The following PRSS23 variants were observed in gnomAD, a reference collection of about 807,000 sequenced individuals.
PRSS23 encodes serine protease 23, also known as protease, serine 23.
A neutral mutation model predicts 34.7 loss-of-function variants in PRSS23; 25 were observed. The observed-to-expected ratio is 0.72, with a 90% CI of 0.53 to 1.01. The LOEUF (loss-of-function observed/expected upper bound fraction) is 1.01, where lower values mean the gene tolerates loss of function less well. PRSS23 is among the 50% of genes least tolerant of loss of function. The pLI is 0.00. For missense variants in PRSS23, 445 were observed against 475.6 expected (o/e 0.94, Z 0.60); for synonymous variants, 176 against 186.6 (o/e 0.94, Z 0.46).
intron 1 of PRSS23, among the ~76,000 whole-genome samples, chr11:86,794,317 T>C (rs1327973566): frequency 6.6e-6 from 1 of 152,186 alleles, no homozygotes; most frequent in East Asian, 1.9e-4. Flanking sequence ...TGCTGGCCAC[T>C]TCAAATTTGG....
At chr11:86,875,377 T>A (rs1939097) in intron 2 of PRSS23, among the ~76,000 whole-genome samples, 80,927 of 151,938 alleles carry the variant, frequency 0.53, 22,774 homozygotes, top group African/African-American at 0.72. Context: ...GTCTCAAAAA[T>A]ATATATATAA....
At chr11:86,867,091 A>G (rs1462206726) in intron 2 of PRSS23, among the ~76,000 whole-genome samples, 1 of 152,224 alleles carries the variant, frequency 6.6e-6, no homozygotes, top group East Asian at 1.9e-4. Context: ...CAGATACAGA[A>G]CCAGGGTATC....
chr11:86,839,975 C>T (rs540318740), intron 2 of PRSS23, among the ~76,000 whole-genome samples: 60 of 151,866 alleles, frequency 4.0e-4, no homozygotes, highest in Non-Finnish European at 6.5e-4. Context: ...AAGGAACAAC[C>T]TGTACCAGCC....
intron 2 of PRSS23, among the ~76,000 whole-genome samples, chr11:86,841,896 A>T (rs551191082): frequency 6.6e-6 from 1 of 152,352 alleles, no homozygotes; most frequent in South Asian, 2.1e-4. Flanking sequence ...TATTCCAATC[A>T]ACAGAAAAAG....
intron 2 of PRSS23, among the ~76,000 whole-genome samples, chr11:86,829,672 G>T (rs549600096): frequency 1.3e-5 from 2 of 152,110 alleles, no homozygotes; most frequent in African/African-American, 4.8e-5. Context: ...TTTTGGTGTG[G>T]ATGTCCTTTC....
chr11:86,946,429 T>C (rs1463868032), intron 2 of PRSS23: 1 of 152,144 alleles, frequency 6.6e-6, no homozygotes, highest in African/African-American at 2.4e-5. Flanking sequence ...ATTCTGGGAA[T>C]TGGCTGATGC....
chr11:86,852,408 A>C (rs903319855), intron 2 of PRSS23, among the ~76,000 whole-genome samples: 4 of 152,212 alleles, frequency 2.6e-5, no homozygotes, highest in African/African-American at 9.6e-5. Context: ...TGCAAGAAGA[A>C]GAGAAAAGTT....
At chr11:86,844,050 G>A (rs1279450301) in intron 2 of PRSS23, among the ~76,000 whole-genome samples, 1 of 152,190 alleles carries the variant, frequency 6.6e-6, no homozygotes, top group East Asian at 1.9e-4. Flanking sequence ...TTAAGAAAAT[G>A]TGGCACACAT....
At chr11:86,811,836 C>T (rs1948180650), downstream of PRSS23, among the ~76,000 whole-genome samples, 1 of 152,264 alleles carries the variant, frequency 6.6e-6, no homozygotes, top group South Asian at 2.1e-4. Context: ...GGAATGATGA[C>T]TCTAGGCTGC....
chr11:86,804,609 C>T (rs928701283), intron 1 of PRSS23, among the ~76,000 whole-genome samples: 4 of 152,152 alleles, frequency 2.6e-5, no homozygotes, highest in African/African-American at 7.2e-5. Flanking sequence ...TTATAGATGG[C>T]TGGCTTCTCC....
chr11:86,870,955 C>G (rs545675845), intron 2 of PRSS23, among the ~76,000 whole-genome samples: 1 of 152,294 alleles, frequency 6.6e-6, no homozygotes, highest in South Asian at 2.1e-4. Context: ...AAGTCTTTGT[C>G]TGCTAACTCC....
chr11:86,848,098 C>A (rs528701360), intron 2 of PRSS23, among the ~76,000 whole-genome samples: 23 of 152,334 alleles, frequency 1.5e-4, no homozygotes, highest in African/African-American at 5.5e-4. Context: ...GGCGCATTCA[C>A]ATGCATGCCC....
chr11:86,822,713 A>G (rs1023672821), intron 1 of PRSS23, among the ~76,000 whole-genome samples: 2 of 151,972 alleles, frequency 1.3e-5, no homozygotes, highest in Non-Finnish European at 2.9e-5. Flanking sequence ...CCTGTTTACA[A>G]CCAGGACTGT....
At chr11:86,845,364 G>T (rs1183247713) in intron 2 of PRSS23, among the ~76,000 whole-genome samples, 4 of 152,192 alleles carry the variant, frequency 2.6e-5, no homozygotes, top group Non-Finnish European at 5.9e-5. Flanking sequence ...TACTTCAGTT[G>T]AATTGTATGG....
intron 2 of PRSS23, among the ~76,000 whole-genome samples, chr11:86,862,391 C>G (rs1325574047): frequency 2.0e-5 from 3 of 150,592 alleles, no homozygotes; most frequent in Admixed American, 6.6e-5. Context: ...TGGTAATATC[C>G]TAGAGATATG....
chr11:86,832,685 C>A, intron 2 of PRSS23: 2 of 359,748 alleles, frequency 5.6e-6, no homozygotes, highest in South Asian at 2.3e-5. Flanking sequence ...CAGGTACCCC[C>A]CAACGACTTT....
intron 2 of PRSS23, among the ~76,000 whole-genome samples, chr11:86,918,110 A>G (rs1169769864): frequency 6.6e-6 from 1 of 152,236 alleles, no homozygotes; most frequent in East Asian, 1.9e-4. Context: ...AAATGTTAAG[A>G]CGACTCTTTT....
At chr11:86,794,013 A>C (rs1947966535) in intron 1 of PRSS23, among the ~76,000 whole-genome samples, 1 of 152,190 alleles carries the variant, frequency 6.6e-6, no homozygotes. Flanking sequence ...AGCTTGAAGG[A>C]TGAATAGAAT....
intron 2 of PRSS23, among the ~76,000 whole-genome samples, chr11:86,926,581 G>A (rs1199524888): frequency 2.0e-5 from 3 of 152,174 alleles, no homozygotes; most frequent in African/African-American, 7.2e-5. Context: ...CAGAAACTGG[G>A]AAGTCAGAAC....
Sources: gnomAD v4.1 joint callset for allele counts (sites outside exome capture counted in the v4.1 genomes callset) on GRCh38, gnomAD v4.1.1 for gene constraint, MANE v1.5 for transcripts, NCBI Gene and HGNC (gene_info 2026-07-23, HGNC 2026-07-21) for gene names.